The following ADAMTS20 variants were observed in gnomAD, a reference collection of about 807,000 sequenced individuals.
The protein encoded by ADAMTS20 is ADAM metallopeptidase with thrombospondin type 1 motif 20, also known as A disintegrin and metalloproteinase with thrombospondin motifs 20.
In ADAMTS20, 225 loss-of-function variants were observed where a neutral mutation model predicts 260.1. The ratio of observed to expected loss-of-function variants is 0.87; its 90% CI spans 0.78 to 0.97. ADAMTS20 has a LOEUF of 0.97. Among genes scored for constraint, ADAMTS20 ranks in the 50% least tolerant of loss-of-function variants. The pLI is 0.00. For synonymous variants in ADAMTS20, 802 were observed against 769.5 expected (o/e 1.04, Z -0.70); for missense variants, 2,400 against 2,337.7 (o/e 1.03, Z -0.55).
At position 43,502,087 on chromosome 12, in the gene ADAMTS20, A is replaced by T. The variant is rs935941427; in HGVS notation, c.867+65T>A. ...GAGTTTGGAAAAAAAATTTAATTCG[A>T]CATGAAAAAATTTCATTAAGCTAAA... is the stretch of plus-strand genomic sequence containing the variant. On this transcript the variant is annotated intron_variant, in intron 4 of 38. Transcript: ENST00000389420. 8.4e-6 allele frequency: 12 copies of T among 1,420,736 alleles called. No homozygotes were observed. The South Asian group carries it at 1.7e-4, about 20-fold the overall frequency. The allele number at this position is 1,420,736 out of a possible 1,614,324, so 88.0% of individuals were successfully genotyped here.
At chr12:43,373,817 C>T (rs2137207119) in intron 36 of ADAMTS20, among the ~76,000 whole-genome samples, 1 of 149,480 alleles carries the variant, frequency 6.7e-6, no homozygotes, top group Middle Eastern at 3.5e-3. Flanking sequence ...GTAGCTGGGA[C>T]TACAGGCGCC....
intron 29 of ADAMTS20, among the ~76,000 whole-genome samples, chr12:43,387,759 A>G (rs1940511555): frequency 6.6e-6 from 1 of 152,074 alleles, no homozygotes; most frequent in African/African-American, 2.4e-5. Context: ...GGAGGGCTCC[A>G]CCCAATTTGA....
At chr12:43,354,638 T>C (rs575401333) in intron 38 of ADAMTS20, among the ~76,000 whole-genome samples, 4 of 152,326 alleles carry the variant, frequency 2.6e-5, no homozygotes, top group South Asian at 2.1e-4. Context: ...GTGAGTTTAT[T>C]AAAACCTCTC....
chr12:43,454,137 ACAG>A, intron 11 of ADAMTS20, 85 bp from the exon 12 acceptor site: 9 of 1,453,360 alleles, frequency 6.2e-6, no homozygotes, highest in Admixed American at 2.4e-5. Context: ...ATAAAGATCA[ACAG>A]AAGAACAAAC....
At chr12:43,423,634 C>G in intron 28 of ADAMTS20, 1 of 666,384 alleles carries the variant, frequency 1.5e-6, no homozygotes, top group Admixed American at 2.2e-5. Flanking sequence ...GAAGATGGAA[C>G]AGAGACACAG....
At chr12:43,506,942 C>T (rs1263319158) in intron 3 of ADAMTS20, among the ~76,000 whole-genome samples, 1 of 152,088 alleles carries the variant, frequency 6.6e-6, no homozygotes, top group Admixed American at 6.6e-5. Flanking sequence ...CAGTGGTTGT[C>T]AGGAGCTGGG....
chr12:43,398,983 T>C, intron 29 of ADAMTS20, 83 bp downstream of exon 29: 1 of 982,658 alleles, frequency 1.0e-6, no homozygotes, highest in Non-Finnish European at 1.3e-6. Flanking sequence ...AAGCAAAACA[T>C]TCAAGGTTAT....
chr12:43,428,230 A>T lies in ADAMTS20; in HGVS notation c.3945+11T>A. ...TTACAGAATTAATATAACTCAATAA[A>T]GATGGCTTACTGATCCCCATGGTCC... On this transcript the variant is annotated intron_variant, in intron 26 of 38. Coordinates refer to ENST00000389420, the MANE Select transcript of ADAMTS20 (RefSeq NM_025003.5). 1 of 1,612,296 alleles carries T rather than the reference A, an allele frequency of 6.2e-7. No individual in the cohort carries two copies. The highest frequency in any genetic ancestry group is 8.5e-7 in the Non-Finnish European group (1 of 1,178,948).
chr12:43,530,549 C>CATTATATCTTTTGATTATATATTTTGAG (rs1943206421), intron 3 of ADAMTS20, among the ~76,000 whole-genome samples: 1 of 152,138 alleles, frequency 6.6e-6, no homozygotes, highest in Non-Finnish European at 1.5e-5. Flanking sequence ...CAAAGGCCTA[C>CATTATATCTTTTGATTATATATTTTGAG]ATATCATTAT....
chr12:43,468,498 G>T, intron 8 of ADAMTS20, 102 bp downstream of exon 8: 1 of 760,206 alleles, frequency 1.3e-6, no homozygotes, highest in South Asian at 1.6e-5. Context: ...AACATTTTAT[G>T]AAGAAACAAA....
intron 37 of ADAMTS20, among the ~76,000 whole-genome samples, chr12:43,361,076 C>T (rs1278531312): frequency 6.6e-6 from 1 of 152,230 alleles, no homozygotes; most frequent in African/African-American, 2.4e-5. Flanking sequence ...CACCACACTC[C>T]TTAACTTCAT....
intron 11 of ADAMTS20, among the ~76,000 whole-genome samples, chr12:43,459,191 A>G (rs1441133532): frequency 2.0e-5 from 3 of 152,192 alleles, no homozygotes; most frequent in Non-Finnish European, 4.4e-5. Flanking sequence ...GTTTGCTGCC[A>G]TCGCGGACCT....
intron 8 of ADAMTS20, 86 bp from the exon 9 acceptor site, chr12:43,466,881 C>A: frequency 1.0e-6 from 1 of 979,288 alleles, no homozygotes; most frequent in Non-Finnish European, 1.5e-6. Flanking sequence ...CATTATAATA[C>A]AATATAAAAT....
At chr12:43,518,817 GAAAAA>G (rs34834714) in intron 3 of ADAMTS20, among the ~76,000 whole-genome samples, 2 of 111,988 alleles carry the variant, frequency 1.8e-5, no homozygotes, top group Admixed American at 9.4e-5. Flanking sequence ...ACTGGCTCAG[GAAAAA>G]AAAAAAAAAA....
At chr12:43,537,386 T>C (rs1943310900) in intron 2 of ADAMTS20, among the ~76,000 whole-genome samples, 1 of 152,050 alleles carries the variant, frequency 6.6e-6, no homozygotes, top group South Asian at 2.1e-4. Flanking sequence ...TGTGGGTACA[T>C]AGTAGGTGTA....
intron 21 of ADAMTS20, 140 bp from the exon 22 acceptor site, chr12:43,431,636 A>T: frequency 1.0e-6 from 1 of 968,588 alleles, no homozygotes; most frequent in Non-Finnish European, 1.6e-6. Flanking sequence ...TCCACCAGAG[A>T]TATTCACTGG....
At chr12:43,531,996 A>G in intron 3 of ADAMTS20, 40 bp downstream of exon 3, 3 of 1,290,634 alleles carry the variant, frequency 2.3e-6, no homozygotes, top group Middle Eastern at 2.2e-4. Flanking sequence ...TTTAAATAGT[A>G]TCACTATTTA....
intron 29 of ADAMTS20, among the ~76,000 whole-genome samples, chr12:43,392,103 T>A (rs1940608557): frequency 6.6e-6 from 1 of 152,138 alleles, no homozygotes; most frequent in African/African-American, 2.4e-5. Context: ...AATATACAGT[T>A]TTTTGTGTAG....
Position 43,533,936 on chromosome 12 carries a change from G to A in ADAMTS20, c.454-1741C>T, listed in dbSNP as rs1455627737. Among the ~76,000 whole-genome samples, 2 of 15,428 alleles carry A rather than the reference G, an allele frequency of 1.3e-4. 1 individual carries two copies. The highest frequency in any genetic ancestry group is 1.9e-4 in the African/African-American group (2 of 10,540). The allele number at this position is 15,428 out of a possible 152,430, so 10.1% of individuals were successfully genotyped here. On this transcript the variant is annotated intron_variant, in intron 2 of 38. Coordinates refer to ENST00000389420, the MANE Select transcript of ADAMTS20 (RefSeq NM_025003.5). ...ACTGGCTAGCCATATGTAGAAAGCT[G>A]AAACTGGATCCCTTCCTTACACCTT...
Sources: gnomAD v4.1 joint callset for allele counts (sites outside exome capture counted in the v4.1 genomes callset) on GRCh38, gnomAD v4.1.1 for gene constraint, MANE v1.5 for transcripts, NCBI Gene and HGNC (gene_info 2026-07-23, HGNC 2026-07-21) for gene names.